The following DLG2 variants were observed in gnomAD, a reference collection of about 807,000 sequenced individuals.
DLG2 encodes discs large MAGUK scaffold protein 2.
DLG2 carries 45 observed loss-of-function variants against 132.5 expected under a neutral mutation model. That is an observed-to-expected ratio of 0.34 (90% confidence interval 0.27 to 0.44). The LOEUF is 0.44. DLG2 is among the 20% of genes least tolerant of loss of function. The pLI is 1.00. For synonymous variants in DLG2, 424 were observed against 419.6 expected (o/e 1.01, Z -0.13); for missense variants, 1,045 against 1,196.9 (o/e 0.87, Z 1.87).
intron 3 of DLG2, among the ~76,000 whole-genome samples, chr11:85,401,180 C>T (rs2088058392): frequency 6.6e-6 from 1 of 152,018 alleles, no homozygotes; most frequent in South Asian, 2.1e-4. Flanking sequence ...AAGACTGGTT[C>T]AACATATGCA....
chr11:84,900,879 C>A (rs1274067427), intron 6 of DLG2, among the ~76,000 whole-genome samples: 1 of 151,862 alleles, frequency 6.6e-6, no homozygotes, highest in Non-Finnish European at 1.5e-5. Context: ...AAAATGTCAA[C>A]CTCAGTATTA....
At chr11:83,755,492 T>C (rs1218637518) in intron 18 of DLG2, among the ~76,000 whole-genome samples, 2 of 151,344 alleles carry the variant, frequency 1.3e-5, no homozygotes, top group African/African-American at 4.9e-5. Context: ...TTTAAGTTCA[T>C]TAACAAAGGG....
chr11:85,115,082 T>A (rs1366549853), intron 5 of DLG2, among the ~76,000 whole-genome samples: 1 of 151,340 alleles, frequency 6.6e-6, no homozygotes, highest in Non-Finnish European at 1.5e-5. Context: ...AACAAAGGAG[T>A]TTTTTTTCGG....
chr11:84,983,048 A>G (rs1409238381), intron 6 of DLG2, among the ~76,000 whole-genome samples: 2 of 152,190 alleles, frequency 1.3e-5, no homozygotes, highest in African/African-American at 2.4e-5. Context: ...TTTTTATTCA[A>G]TATAATGCCA....
intron 3 of DLG2, among the ~76,000 whole-genome samples, chr11:85,395,583 C>G (rs575372823): frequency 6.6e-6 from 1 of 152,304 alleles, no homozygotes; most frequent in East Asian, 1.9e-4. Flanking sequence ...GTCCTAGCAA[C>G]CAGCAGACCA....
intron 20 of DLG2, among the ~76,000 whole-genome samples, chr11:83,533,021 G>GCAA (rs2095795878): frequency 2.1e-5 from 3 of 143,182 alleles, no homozygotes. Context: ...GTATTTGTAA[G>GCAA]CAACAGAGAG....
chr11:84,515,268 A>T (rs1209017327), intron 7 of DLG2, among the ~76,000 whole-genome samples: 2 of 125,302 alleles, frequency 1.6e-5, no homozygotes, highest in African/African-American at 3.1e-5. Context: ...TGGCTGAATG[A>T]ACTTAAATAC....
intron 5 of DLG2, among the ~76,000 whole-genome samples, chr11:85,139,571 T>C (rs943159983): frequency 6.6e-6 from 1 of 152,128 alleles, no homozygotes; most frequent in African/African-American, 2.4e-5. Flanking sequence ...AAAAAGGTTA[T>C]TATAGTGAAG....
At chr11:84,567,889 AG>A (rs750488473) in intron 6 of DLG2, among the ~76,000 whole-genome samples, 1 of 152,172 alleles carries the variant, frequency 6.6e-6, no homozygotes, top group Non-Finnish European at 1.5e-5. Flanking sequence ...AAATCTAAAA[AG>A]GGTAAGAAGA....
At chr11:84,984,202 T>C (rs1000403097) in intron 6 of DLG2, among the ~76,000 whole-genome samples, 5 of 152,128 alleles carry the variant, frequency 3.3e-5, no homozygotes, top group Non-Finnish European at 1.5e-5. Flanking sequence ...CTAGGCACAT[T>C]GCCATCAGGT....
chr11:85,190,718 A>C (rs1449001001), intron 4 of DLG2, among the ~76,000 whole-genome samples: 3 of 151,514 alleles, frequency 2.0e-5, no homozygotes, highest in African/African-American at 7.3e-5. Context: ...CTCTGTTATG[A>C]ACACCCCTAT....
At chr11:85,054,870 G>A (rs1354513395) in intron 6 of DLG2, among the ~76,000 whole-genome samples, 1 of 152,176 alleles carries the variant, frequency 6.6e-6, no homozygotes. Context: ...TAGACAGGGA[G>A]CAGGGGAGAT....
chr11:84,072,841 T>A (rs1373548363), intron 10 of DLG2, among the ~76,000 whole-genome samples: 1 of 152,218 alleles, frequency 6.6e-6, no homozygotes, highest in Non-Finnish European at 1.5e-5. Context: ...TAGAGGCTGC[T>A]ATATAACCCT....
intron 9 of DLG2, among the ~76,000 whole-genome samples, chr11:84,105,419 G>C (rs2092834485): frequency 6.6e-6 from 1 of 152,140 alleles, no homozygotes; most frequent in South Asian, 2.1e-4. Context: ...CACAGCACAT[G>C]GGTGATGATC....
At chr11:85,583,124 G>GTATA (rs1565717537) in intron 3 of DLG2, among the ~76,000 whole-genome samples, 22 of 41,042 alleles carry the variant, frequency 5.4e-4, no homozygotes, top group East Asian at 1.1e-3. Flanking sequence ...GTGTGTGTGT[G>GTATA]TGTGTGTATA....
intron 6 of DLG2, among the ~76,000 whole-genome samples, chr11:84,737,036 T>C (rs541290447): frequency 6.6e-6 from 1 of 152,124 alleles, no homozygotes; most frequent in East Asian, 1.9e-4. Context: ...AGAAATTCCC[T>C]TCTATTTATA....
chr11:85,452,260 C>T (rs1433572696), intron 3 of DLG2: 2 of 151,526 alleles, frequency 1.3e-5, no homozygotes, highest in Non-Finnish European at 1.5e-5. Context: ...TTTTAACTGT[C>T]TATGCACAGG....
intron 7 of DLG2, among the ~76,000 whole-genome samples, chr11:84,307,947 G>A (rs1163026238): frequency 6.6e-6 from 1 of 152,172 alleles, no homozygotes; most frequent in Non-Finnish European, 1.5e-5. Flanking sequence ...CCTGGCTTCA[G>A]GAGTGAAGTT....
intron 3 of DLG2, among the ~76,000 whole-genome samples, chr11:85,583,158 A>G (rs1289084042): frequency 4.4e-5 from 5 of 114,940 alleles, no homozygotes; most frequent in South Asian, 2.7e-4. Context: ...ATATATATAT[A>G]TATATATATA....
Sources: allele counts gnomAD v4.1 joint callset (sites outside exome capture counted in the v4.1 genomes callset), GRCh38; gene constraint gnomAD v4.1.1; transcripts MANE v1.5; gene names NCBI Gene and HGNC (gene_info 2026-07-23, HGNC 2026-07-21).